The following CSGALNACT1 variants were observed in gnomAD, a reference collection of about 807,000 sequenced individuals.
CSGALNACT1 encodes the protein chondroitin sulfate N-acetylgalactosaminyltransferase 1, also known as beta4GalNAcT-1.
A neutral mutation model predicts 51.0 loss-of-function variants in CSGALNACT1; 52 were observed. The ratio of observed to expected loss-of-function variants is 1.02; its 90% CI spans 0.82 to 1.29. The LOEUF is 1.29. Ranked by LOEUF, CSGALNACT1 falls within the 50% of genes most tolerant of loss-of-function variation. The probability of loss-of-function intolerance (pLI) is 0.00; values close to 1 mark genes in which losing one functional copy is unlikely to be tolerated. For synonymous variants in CSGALNACT1, 341 were observed against 254.4 expected (o/e 1.34, Z -3.24); for missense variants, 935 against 679.2 (o/e 1.38, Z -4.19).
At chr8:19,583,884 TTTGGGTTTGAGAGAA>T (rs2046099205) in intron 3 of CSGALNACT1, among the ~76,000 whole-genome samples, 2 of 152,212 alleles carry the variant, frequency 1.3e-5, no homozygotes, top group Non-Finnish European at 2.9e-5. Context: ...ATACTCATAC[TTTGGGTTTGAGAGAA>T]GTCAGACCAA....
intron 1 of CSGALNACT1, among the ~76,000 whole-genome samples, chr8:19,675,356 G>A (rs1329359355): frequency 6.6e-6 from 1 of 152,114 alleles, no homozygotes; most frequent in African/African-American, 2.4e-5. Flanking sequence ...CCCCAAGGGT[G>A]GGCACCAGTC....
intron 2 of CSGALNACT1, among the ~76,000 whole-genome samples, chr8:19,596,652 T>G (rs78998630): frequency 0.024 from 3,646 of 149,746 alleles, 158 homozygotes; most frequent in African/African-American, 0.084. Flanking sequence ...CCACTGTAAA[T>G]ACATTTTTTC....
intron 3 of CSGALNACT1, among the ~76,000 whole-genome samples, chr8:19,515,719 T>G (rs979605947): frequency 1.3e-5 from 2 of 152,120 alleles, no homozygotes; most frequent in African/African-American, 2.4e-5. Flanking sequence ...AAGTCCTATT[T>G]TTTTTTTATT....
At chr8:19,459,282 C>A (rs138932746) in intron 4 of CSGALNACT1, among the ~76,000 whole-genome samples, 10 of 147,322 alleles carry the variant, frequency 6.8e-5, no homozygotes, top group African/African-American at 2.5e-4. Flanking sequence ...ACTTGGGAGG[C>A]TGAGGCAGGA....
chr8:19,409,754 A>G lies in CSGALNACT1; in HGVS notation c.1228-1060T>C, dbSNP rs559907666. Among the ~76,000 whole-genome samples, 117 of 152,260 alleles carry G rather than the reference A, an allele frequency of 7.7e-4. 2 individuals carry two copies. The highest frequency in any genetic ancestry group is 2.7e-3 in the African/African-American group (111 of 41,542). On this transcript the variant is annotated intron_variant, in intron 8 of 9. Coordinates refer to ENST00000454498, the Ensembl canonical transcript of CSGALNACT1. Reference sequence around the variant, plus strand: ...TTGTTGGGGACATCTGGTTCTGTTCATCGTTAATTAGAAACGGTACATGAG... The same window carrying G: ...TTGTTGGGGACATCTGGTTCTGTTCGTCGTTAATTAGAAACGGTACATGAG...
chr8:19,660,422 G>C (rs2058657986), intron 1 of CSGALNACT1, among the ~76,000 whole-genome samples: 1 of 152,170 alleles, frequency 6.6e-6, no homozygotes, highest in Non-Finnish European at 1.5e-5. Context: ...CTGCTGATGA[G>C]TGGCAGAAAT....
rs565438494 is a variant in CSGALNACT1, at chr8:19,673,585, C to T, written c.-544+8888G>A. On this transcript the variant is annotated intron_variant, in intron 1 of 9. Coordinates refer to the CSGALNACT1 transcript ENST00000332246. ...CCACGTGTATTTCCATCTTTAATTCCCATCGCTATCCTGAGAAATGATCTG... is the reference window on the plus strand; with the variant it reads ...CCACGTGTATTTCCATCTTTAATTCTCATCGCTATCCTGAGAAATGATCTG... 1.2e-4 allele frequency among the ~76,000 whole-genome samples: 18 copies of T among 152,256 alleles called. No homozygotes were observed. The South Asian group carries it at 3.5e-3, about 30-fold the overall frequency.
chr8:19,748,535 T>G (rs2064829554), intron 1 of CSGALNACT1, among the ~76,000 whole-genome samples: 1 of 152,202 alleles, frequency 6.6e-6, no homozygotes, highest in Non-Finnish European at 1.5e-5. Context: ...CGTCCCTCTC[T>G]GCCATAACAG....
chr8:19,684,076 G>A (rs752715696), upstream of CSGALNACT1, among the ~76,000 whole-genome samples: 8 of 152,150 alleles, frequency 5.3e-5, no homozygotes, highest in Non-Finnish European at 1.2e-4. Flanking sequence ...TGAAGCAGGA[G>A]AATCGTATGA....
chr8:19,416,482 GACA>G (rs2056905241), intron 8 of CSGALNACT1, among the ~76,000 whole-genome samples: 1 of 152,168 alleles, frequency 6.6e-6, no homozygotes, highest in Admixed American at 6.5e-5. Flanking sequence ...CACAGTAGTG[GACA>G]GTAATGTCAC....
chr8:19,689,827 G>A (rs1259034807), intron 1 of CSGALNACT1, among the ~76,000 whole-genome samples: 1 of 152,196 alleles, frequency 6.6e-6, no homozygotes, highest in Admixed American at 6.5e-5. Flanking sequence ...AGTCCCCTGT[G>A]CTTGAACCCT....
intron 3 of CSGALNACT1, among the ~76,000 whole-genome samples, chr8:19,516,209 A>G (rs1042825279): frequency 1.3e-5 from 2 of 152,150 alleles, no homozygotes; most frequent in Non-Finnish European, 2.9e-5. Flanking sequence ...TTAATCCTCA[A>G]AACGATCCTA....
At chr8:19,718,628 A>G (rs879447437) in intron 1 of CSGALNACT1, among the ~76,000 whole-genome samples, 19 of 152,076 alleles carry the variant, frequency 1.2e-4, no homozygotes, top group Non-Finnish European at 2.4e-4. Context: ...ACACTTAGTC[A>G]TTTTTTAAAA....
chr8:19,461,745 G>C lies in CSGALNACT1; in HGVS notation c.635-3103C>G, dbSNP rs750921191. ...CCATGGAGGGCGTATCCGCACAGCG[G>C]CCACATTCACCATGGAGGGCGTATC... On this transcript the variant is annotated intron_variant, in intron 4 of 9. Transcript: ENST00000454498. Among the ~76,000 whole-genome samples, 201 of 134,230 alleles carry C rather than the reference G, an allele frequency of 1.5e-3. 3 individuals carry two copies. The highest frequency in any genetic ancestry group is 2.3e-3 in the Non-Finnish European group (144 of 61,744). The allele number at this position is 134,230 out of a possible 152,430, so 88.1% of individuals were successfully genotyped here. A position where few individuals can be genotyped will look rare whatever the true frequency, so the allele number is the denominator to read the frequency against.
intron 6 of CSGALNACT1, among the ~76,000 whole-genome samples, chr8:19,431,322 T>C (rs948454056): frequency 6.6e-6 from 1 of 152,130 alleles, no homozygotes; most frequent in Non-Finnish European, 1.5e-5. Context: ...GTGTCCTTTA[T>C]TAGGTTAAAG....
intron 3 of CSGALNACT1, among the ~76,000 whole-genome samples, chr8:19,585,570 G>A (rs2046438760): frequency 1.3e-5 from 2 of 152,244 alleles, no homozygotes; most frequent in Middle Eastern, 3.4e-3. Flanking sequence ...AGAAGCCTGT[G>A]GCTGTGATAC....
intron 1 of CSGALNACT1, among the ~76,000 whole-genome samples, chr8:19,664,745 T>C (rs542031018): frequency 1.3e-5 from 2 of 152,258 alleles, no homozygotes; most frequent in South Asian, 2.1e-4. Flanking sequence ...TGTAGCAACA[T>C]AGTTGGAACT....
chr8:19,527,275 AG>A (rs2081905640), intron 3 of CSGALNACT1, among the ~76,000 whole-genome samples: 1 of 152,186 alleles, frequency 6.6e-6, no homozygotes, highest in African/African-American at 2.4e-5. Context: ...CACCTCAGCT[AG>A]GTCTTGGAGG....
At chr8:19,590,883 T>G (rs2047672524) in intron 3 of CSGALNACT1, among the ~76,000 whole-genome samples, 1 of 152,080 alleles carries the variant, frequency 6.6e-6, no homozygotes, top group Non-Finnish European at 1.5e-5. Flanking sequence ...ACTCGTGACC[T>G]CAAGTGATCT....
Sources: gnomAD v4.1 joint callset for allele counts (sites outside exome capture counted in the v4.1 genomes callset) on GRCh38, gnomAD v4.1.1 for gene constraint, MANE v1.5 for transcripts, NCBI Gene and HGNC (gene_info 2026-07-23, HGNC 2026-07-21) for gene names.